The following FGF20 variants were observed in gnomAD, a reference collection of about 807,000 sequenced individuals.
FGF20 encodes fibroblast growth factor 20.
FGF20 carries 8 observed loss-of-function variants against 16.7 expected under a neutral mutation model. That is an observed-to-expected ratio of 0.48 (90% CI 0.28 to 0.87). The LOEUF (loss-of-function observed/expected upper bound fraction) is 0.87. FGF20 is among the 40% of genes least tolerant of loss of function. The pLI is 0.10. For synonymous variants in FGF20, 161 were observed against 118.6 expected (o/e 1.36, Z -2.32); for missense variants, 397 against 281.4 (o/e 1.41, Z -2.94).
At chr8:17,000,246 G>A (rs1810151022) in intron 1 of FGF20, among the ~76,000 whole-genome samples, 1 of 152,176 alleles carries the variant, frequency 6.6e-6, no homozygotes, top group Non-Finnish European at 1.5e-5. Flanking sequence ...TTGACTGATA[G>A]TCAATGGGAA....
chr8:17,001,918 C>G lies in FGF20; in HGVS notation c.115G>C (p.Glu39Gln), dbSNP rs1007752081. The change falls in exon 1 of 3, where the codon GAG becomes CAG. Residue 39 changes from glutamate to glutamine, a missense_variant. Glu to Gln is a conservative substitution (Grantham distance 29, BLOSUM62 2). Transcript: ENST00000180166. ...PAGERPPLLG[E>Q]RRSAAERSAR... ...CTCCGCTCCGCCGCGCTCCTGCGCT[C>G]GCCCAGCAGCGGCGGCCGCTCCCCG... The G allele has an allele frequency of 2.0e-6, 3 of 1,488,862 alleles. No individual in the cohort carries two copies. Among genetic ancestry groups the G allele is most frequent in the Non-Finnish European group, 2.7e-6 (3 of 1,120,984 alleles). The allele number at this position is 1,488,862 out of a possible 1,614,324, so 92.2% of individuals were successfully genotyped here.
chr8:17,001,634 G>C, intron 1 of FGF20, 113 bp downstream of exon 1: 1 of 1,262,338 alleles, frequency 7.9e-7, no homozygotes, highest in Non-Finnish European at 1.0e-6. Context: ...GGGGAGCTCC[G>C]GGCTCCGCGC....
At chr8:16,994,944 A>G (rs1689883) in intron 2 of FGF20, among the ~76,000 whole-genome samples, 10,621 of 152,258 alleles carry the variant, frequency 0.07, 396 homozygotes, top group Middle Eastern at 0.11. Flanking sequence ...TTGTCCTGCT[A>G]TTCTAATTCT....
At position 16,995,754 on chromosome 8, in the gene FGF20, G is replaced by A. The variant is rs1489539027; in HGVS notation, c.291C>T (p.Ile97=). ...CCACTGCCACACTGATGAATTCCAA[G>A]ATACCTGCATATGTAAACAATTCAT... ...GTRQDHSLFG[I]LEFISVAVGL... Residue 97 remains isoleucine (I), a synonymous_variant, in exon 2 of 3, where the codon ATC becomes ATT. Transcript: ENST00000180166. 2 of 1,567,308 alleles carry A rather than the reference G, an allele frequency of 1.3e-6. No homozygotes were observed. Among genetic ancestry groups the A allele is most frequent in the Non-Finnish European group, 1.8e-6 (2 of 1,140,700 alleles).
chr8:16,999,522 T>TC (rs1810133176), intron 1 of FGF20, among the ~76,000 whole-genome samples: 1 of 135,434 alleles, frequency 7.4e-6, no homozygotes, highest in Non-Finnish European at 1.6e-5. Flanking sequence ...AGTTTCCTTT[T>TC]TTTTTTTTTT....
chr8:16,996,811 C>A lies in FGF20; in HGVS notation c.287-1053G>T, dbSNP rs17550130. Among the ~76,000 whole-genome samples the A allele has an allele frequency of 7.8e-3, 1,183 of 152,242 alleles. 11 individuals carry two copies. The highest frequency in any genetic ancestry group is 0.027 in the African/African-American group (1,106 of 41,542). ...GGCTCAGAAAGGCTTATTGACTTGC[C>A]TAAGGGACATGATATTTATAAATGG... On this transcript the variant is annotated intron_variant, in intron 1 of 2. Transcript: ENST00000180166.
At position 16,995,703 on chromosome 8, in the gene FGF20, G is replaced by A. The variant is rs1472889258; in HGVS notation, c.342C>T (p.Asp114=). 1 of 1,609,282 alleles carries A rather than the reference G, an allele frequency of 6.2e-7. No homozygotes were observed. Among genetic ancestry groups the A allele is most frequent in the African/African-American group, 1.3e-5 (1 of 74,836 alleles). Residue 114 remains aspartate, a synonymous_variant, in exon 2 of 3, where the codon GAC becomes GAT. Transcript: ENST00000180166. ...AVGLVSIRGV[D]SGLYLGMNDK... ...CATTCATTCCAAGATAGAGACCACT[G>A]TCCACACCTCTAATACTGACCAGTC...
chr8:16,994,045 C>T (rs1457829045), intron 2 of FGF20, among the ~76,000 whole-genome samples: 3 of 152,044 alleles, frequency 2.0e-5, no homozygotes, highest in Non-Finnish European at 4.4e-5. Context: ...GGGTTGGGGA[C>T]CCCTGCTTTA....
In FGF20 at chr8:17,001,967, A is replaced by G. The variant is rs1263612358; in HGVS notation, c.66T>C (p.Gly22=). The change falls in exon 1 of 3, where the codon GGT becomes GGC. Residue 22 remains glycine, a synonymous_variant. Transcript: ENST00000180166. The stretch of plus-strand genomic sequence containing the variant: ...CGGCAGGAGGCAACAGGAAATGCGA[A>G]CCCACCTGCTGGCCCAAGCCCTCCA... ...GGLEGLGQQV[G]SHFLLPPAGE... 2 of 1,508,416 alleles carry G rather than the reference A, an allele frequency of 1.3e-6. No individual in the cohort carries two copies. Among genetic ancestry groups the G allele is most frequent in the Admixed American group, 2.2e-5 (1 of 44,534 alleles). 93.4% of individuals were successfully genotyped at this position (1,508,416 alleles called of 1,614,324 possible). A position where few individuals can be genotyped will look rare whatever the true frequency, so the allele number is the denominator to read the frequency against.
At chr8:16,999,238 G>C (rs1046676065) in intron 1 of FGF20, among the ~76,000 whole-genome samples, 8 of 152,146 alleles carry the variant, frequency 5.3e-5, no homozygotes, top group African/African-American at 1.4e-4. Context: ...TCCCACCATA[G>C]AGTGACTTAC....
intron 2 of FGF20, among the ~76,000 whole-genome samples, chr8:16,995,292 A>G (rs1401470227): frequency 6.6e-6 from 1 of 152,232 alleles, no homozygotes; most frequent in Non-Finnish European, 1.5e-5. Context: ...ACAGGTAGAG[A>G]AAGTTTACCT....
Position 17,001,772 on chromosome 8 carries a change from GC to G in FGF20, c.260del (p.Gly87AlafsTer35). Reference protein sequence around the residue: ...LQILPDGSVQGTRQDHSLFGI... With the variant: ...LQILPDGSVQXTRQDHSLFGI... ...CGAAGAGGCTGTGGTCCTGCCGGGT[GC>G]CCTGCACGCTGCCGTCGGGCAGGAT... is the stretch of plus-strand genomic sequence containing the variant. On this transcript the variant is annotated frameshift_variant, in exon 1 of 3. Coordinates refer to ENST00000180166, the MANE Select transcript of FGF20 (RefSeq NM_019851.3). LOFTEE classifies it high-confidence loss of function. 1 of 1,576,066 alleles carries G rather than the reference GC, an allele frequency of 6.3e-7. No individual in the cohort carries two copies. Among genetic ancestry groups the G allele is most frequent in the Non-Finnish European group, 8.6e-7 (1 of 1,164,874 alleles).
At position 17,002,231 on chromosome 8, in the gene FGF20, G is replaced by C; in HGVS notation, c.-199C>G. ...TGTCTTGGAGCGATCTTCTCTCCTT[G>C]GGTAGGTGGGAGCCGGCTGCTGGCT... On this transcript the variant is annotated 5_prime_UTR_variant, in exon 1 of 3. Coordinates refer to ENST00000180166, the MANE Select transcript of FGF20 (RefSeq NM_019851.3). The C allele has an allele frequency of 3.9e-6, 2 of 507,308 alleles. No individual in the cohort carries two copies. Among genetic ancestry groups the C allele is most frequent in the Non-Finnish European group, 6.5e-6 (2 of 305,872 alleles). 31.4% of individuals were successfully genotyped at this position (507,308 alleles called of 1,614,324 possible).
chr8:17,000,285 CAT>C (rs1563234530), intron 1 of FGF20, among the ~76,000 whole-genome samples: 1 of 152,302 alleles, frequency 6.6e-6, no homozygotes, highest in Non-Finnish European at 1.5e-5. Flanking sequence ...AAGCTGCAAA[CAT>C]GTGGGTTTTA....
chr8:17,001,248 G>C (rs1462317658), intron 1 of FGF20, among the ~76,000 whole-genome samples: 1 of 152,192 alleles, frequency 6.6e-6, no homozygotes, highest in Non-Finnish European at 1.5e-5. Context: ...ATAATCAGCT[G>C]CATAACTGTG....
intron 1 of FGF20, among the ~76,000 whole-genome samples, chr8:16,999,386 T>G (rs756953851): frequency 6.6e-6 from 1 of 152,188 alleles, no homozygotes; most frequent in South Asian, 2.1e-4. Context: ...TTAAATGCCA[T>G]TAATGAATGT....
At chr8:17,000,255 A>T (rs966894230) in intron 1 of FGF20, among the ~76,000 whole-genome samples, 1 of 152,146 alleles carries the variant, frequency 6.6e-6, no homozygotes, top group Non-Finnish European at 1.5e-5. Flanking sequence ...AGTCAATGGG[A>T]ATTTGGAAGA....
intron 1 of FGF20, among the ~76,000 whole-genome samples, chr8:16,996,207 C>G (rs945845072): frequency 1.3e-5 from 2 of 152,038 alleles, no homozygotes; most frequent in Non-Finnish European, 2.9e-5. Context: ...CAATAAATTC[C>G]ATTTTTCTCA....
In FGF20 at chr8:16,993,142, T is replaced by C; in HGVS notation, c.566A>G (p.His189Arg). ...TGGATCCACTGGTCTAGGTAAGAAATGTGTAAATTTCTGATGCCTCTTGGA... is the reference window on the plus strand; with the variant it reads ...TGGATCCACTGGTCTAGGTAAGAAACGTGTAAATTTCTGATGCCTCTTGGA... ...ARSKRHQKFT[H>R]FLPRPVDPER... Residue 189 changes from histidine to arginine, a missense_variant, in exon 3 of 3, where the codon CAT (histidine) becomes CGT (arginine). Transcript: ENST00000180166. 6.2e-7 allele frequency: 1 copy of C among 1,614,100 alleles called. No individual in the cohort carries two copies. Among genetic ancestry groups the C allele is most frequent in the Non-Finnish European group, 8.5e-7 (1 of 1,180,008 alleles).
Sources: allele counts gnomAD v4.1 joint callset (sites outside exome capture counted in the v4.1 genomes callset), GRCh38; gene constraint gnomAD v4.1.1; transcripts MANE v1.5; gene names NCBI Gene and HGNC (gene_info 2026-07-23, HGNC 2026-07-21).